The following TJP1 variants were observed in gnomAD, a reference collection of about 807,000 sequenced individuals.
TJP1 encodes tight junction protein ZO-1.
Under a neutral mutation model 194.2 loss-of-function variants are expected in TJP1, and 43 were observed. The ratio of observed to expected loss-of-function variants is 0.22; its 90% CI spans 0.17 to 0.29. TJP1 has a LOEUF of 0.29. Among genes scored for constraint, TJP1 ranks in the 10% least tolerant of loss-of-function variants. The probability of loss-of-function intolerance (pLI) is 1.00; values close to 1 mark genes in which losing one functional copy is unlikely to be tolerated. For synonymous variants in TJP1, 801 were observed against 779.0 expected (o/e 1.03, Z -0.47); for missense variants, 1,971 against 2,185.7 (o/e 0.90, Z 1.96).
At chr15:29,936,713 C>T (rs961389321) in intron 2 of TJP1, among the ~76,000 whole-genome samples, 4 of 152,152 alleles carry the variant, frequency 2.6e-5, no homozygotes, top group African/African-American at 9.7e-5. Context: ...CTCAATCCCG[C>T]AAATTATTAG....
chr15:29,910,745 G>A (rs1318070937), intron 2 of TJP1, among the ~76,000 whole-genome samples: 1 of 152,164 alleles, frequency 6.6e-6, no homozygotes, highest in Non-Finnish European at 1.5e-5. Context: ...CTAATGATAT[G>A]AGAGTAATCA....
At chr15:29,749,719 G>A (rs2045120494) in intron 8 of TJP1, among the ~76,000 whole-genome samples, 1 of 152,200 alleles carries the variant, frequency 6.6e-6, no homozygotes, top group Non-Finnish European at 1.5e-5. Flanking sequence ...GCCACTCAGT[G>A]AGCACCGTTG....
At chr15:29,918,017 T>C (rs2054240240) in intron 2 of TJP1, among the ~76,000 whole-genome samples, 1 of 152,154 alleles carries the variant, frequency 6.6e-6, no homozygotes, top group Admixed American at 6.5e-5. Flanking sequence ...ACCCCTGCCA[T>C]TCTACTTTCT....
rs573236346 is a variant in TJP1 at position 29,967,368 on chromosome 15, T to A, written c.173+1299A>T. ...GTATCTTTTGCAGAATAAATTTATT[T>A]AAAAAAAAAAAACCAAACTGGTGGG... On this transcript the variant is annotated intron_variant, in intron 1 of 28. Coordinates refer to the TJP1 transcript ENST00000356107. Among the ~76,000 whole-genome samples the A allele has an allele frequency of 1.8e-3, 259 of 145,420 alleles. 3 individuals are homozygous for A. Among genetic ancestry groups the A allele is most frequent in the East Asian group, 6.2e-3 (31 of 5,018 alleles).
chr15:29,758,536 T>G (rs1384131719), intron 8 of TJP1, among the ~76,000 whole-genome samples: 1 of 152,188 alleles, frequency 6.6e-6, no homozygotes, highest in African/African-American at 2.4e-5. Context: ...AGATTGAAAA[T>G]TTTTTACAAT....
At chr15:29,798,573 T>C (rs2048569191) in intron 2 of TJP1, among the ~76,000 whole-genome samples, 1 of 152,172 alleles carries the variant, frequency 6.6e-6, no homozygotes, top group Non-Finnish European at 1.5e-5. Context: ...CGGGAGCTCT[T>C]ATACACTGCC....
intron 2 of TJP1, 166 bp downstream of exon 2, chr15:29,800,480 C>T: frequency 1.6e-6 from 1 of 639,286 alleles, no homozygotes; most frequent in East Asian, 2.8e-5. Flanking sequence ...ATCATGCTCA[C>T]TTTTGACCTT....
chr15:29,855,442 A>T (rs781723675), intron 2 of TJP1, among the ~76,000 whole-genome samples: 1 of 152,236 alleles, frequency 6.6e-6, no homozygotes, highest in Non-Finnish European at 1.5e-5. Context: ...TAGATATCCC[A>T]ATTACCCTGA....
intron 2 of TJP1, among the ~76,000 whole-genome samples, chr15:29,920,127 A>G (rs917224797): frequency 6.6e-6 from 1 of 152,162 alleles, no homozygotes; most frequent in South Asian, 2.1e-4. Flanking sequence ...CAGGTAAGGA[A>G]CCTGCCCAGG....
intron 25 of TJP1, among the ~76,000 whole-genome samples, chr15:29,707,457 C>G (rs1273670869): frequency 6.6e-6 from 1 of 152,174 alleles, no homozygotes; most frequent in African/African-American, 2.4e-5. Flanking sequence ...CGCCCCTGAC[C>G]ATCTGTGGAT....
At chr15:29,852,277 A>C (rs960149083) in intron 2 of TJP1, among the ~76,000 whole-genome samples, 1 of 152,232 alleles carries the variant, frequency 6.6e-6, no homozygotes, top group African/African-American at 2.4e-5. Flanking sequence ...ACTGTAAAAA[A>C]ACAAACAGCC....
chr15:29,871,610 C>CCCCAGCTGGCCCGGCCA (rs2052525392), intron 2 of TJP1, among the ~76,000 whole-genome samples: 1 of 152,198 alleles, frequency 6.6e-6, no homozygotes, highest in Non-Finnish European at 1.5e-5. Flanking sequence ...TAGGAGACGG[C>CCCCAGCTGGCCCGGCCA]CCCAGCTGGC....
At chr15:29,703,132 T>C (rs2041659346) in intron 27 of TJP1, among the ~76,000 whole-genome samples, 1 of 152,184 alleles carries the variant, frequency 6.6e-6, no homozygotes, top group African/African-American at 2.4e-5. Flanking sequence ...GTTAAGTTTC[T>C]CTGGTATACA....
intron 2 of TJP1, among the ~76,000 whole-genome samples, chr15:29,886,894 A>T (rs1336882600): frequency 6.6e-6 from 1 of 152,118 alleles, no homozygotes; most frequent in Non-Finnish European, 1.5e-5. Flanking sequence ...GTTCAACATA[A>T]ATTTTCCAAA....
At chr15:29,893,205 T>A (rs2053368361) in intron 2 of TJP1, among the ~76,000 whole-genome samples, 1 of 152,172 alleles carries the variant, frequency 6.6e-6, no homozygotes, top group African/African-American at 2.4e-5. Context: ...AGCCTGAAGA[T>A]GTGACTGAAT....
At position 29,935,065 on chromosome 15, in the gene TJP1, T is replaced by C. The variant is rs554773177; in HGVS notation, c.306+21167A>G. Among the ~76,000 whole-genome samples the C allele has an allele frequency of 9.2e-5, 14 of 152,354 alleles. No individual in the cohort carries two copies. The South Asian group carries it at 2.9e-3, about 32-fold the overall frequency. ...CAAAATCAAGTCACAAAGAAATTAC[T>C]ACATTCACATTATTCCGTGTTCCAC... On this transcript the variant is annotated intron_variant, in intron 2 of 28. Coordinates refer to the TJP1 transcript ENST00000356107.
chr15:29,784,476 G>C (rs918914281), intron 2 of TJP1, among the ~76,000 whole-genome samples: 12 of 151,534 alleles, frequency 7.9e-5, no homozygotes, highest in African/African-American at 2.4e-4. Context: ...ATTTTTTTTT[G>C]TATTTTTAGT....
rs372398802 is a variant in TJP1 at position 29,718,953 on chromosome 15, G to A, written c.3189C>T (p.Ser1063=). The A allele has an allele frequency of 3.7e-6, 6 of 1,614,040 alleles. No homozygotes were observed. The highest frequency in any genetic ancestry group is 2.7e-5 in the African/African-American group (2 of 74,912). The change falls in exon 21 of 28, where the codon TCC becomes TCT. Residue 1063 remains serine (S), a synonymous_variant. Transcript: ENST00000614355. The part of the protein sequence containing the change: ...DLEQPTYRYE[S]SSYTDQFSRN... ...GAGAAAACTGGTCCGTATAGCTTGA[G>A]GACTCGTATCTGTATGTGGGCTGCT...
chr15:29,811,826 A>G (rs1268450545), intron 1 of TJP1, among the ~76,000 whole-genome samples: 2 of 151,770 alleles, frequency 1.3e-5, no homozygotes, highest in Admixed American at 1.3e-4. Context: ...GCTGGGCTGA[A>G]AACTACTAAC....
Sources: allele counts gnomAD v4.1 joint callset (sites outside exome capture counted in the v4.1 genomes callset), GRCh38; gene constraint gnomAD v4.1.1; transcripts MANE v1.5; gene names NCBI Gene and HGNC (gene_info 2026-07-23, HGNC 2026-07-21).